The following STAC variants were observed in gnomAD, a reference collection of about 807,000 sequenced individuals.
STAC encodes SH3 and cysteine-rich domain-containing protein.
STAC carries 43 observed loss-of-function variants against 48.8 expected under a neutral mutation model. That is an observed-to-expected ratio of 0.88 (90% CI 0.69 to 1.14). The LOEUF is 1.14. STAC is among the 50% of genes most tolerant of loss of function. The probability of loss-of-function intolerance (pLI) is 0.00; values close to 1 mark genes in which losing one functional copy is unlikely to be tolerated. For missense variants in STAC, 497 were observed against 504.0 expected (o/e 0.99, Z 0.13); for synonymous variants, 193 against 179.5 (o/e 1.07, Z -0.60).
At chr3:36,537,126 A>G (rs1699216865) in intron 10 of STAC, among the ~76,000 whole-genome samples, 1 of 152,166 alleles carries the variant, frequency 6.6e-6, no homozygotes, top group African/African-American at 2.4e-5. Flanking sequence ...ATTGTGGAAG[A>G]TAGTGTGGCA....
Position 36,455,993 on chromosome 3 carries a change from C to T in STAC, c.388+12353C>T, listed in dbSNP as rs558422668. 2.0e-4 allele frequency among the ~76,000 whole-genome samples: 31 copies of T among 152,148 alleles called. No individual in the cohort carries two copies. In the South Asian group the frequency reaches 6.2e-3, roughly 31 times the overall value. On this transcript the variant is annotated intron_variant, in intron 2 of 10. Coordinates refer to ENST00000273183, the MANE Select transcript of STAC (RefSeq NM_003149.3). ...AACCCTGCAGCCCCTGCCTCAACAA[C>T]ATTATAATAAATAAACATAGGAAGG...
intron 1 of STAC, among the ~76,000 whole-genome samples, chr3:36,422,147 C>T (rs2125645258): frequency 6.6e-6 from 1 of 152,060 alleles, no homozygotes; most frequent in African/African-American, 2.4e-5. Flanking sequence ...AAGAGTTTCC[C>T]AAGATCTACA....
intron 10 of STAC, among the ~76,000 whole-genome samples, chr3:36,533,050 G>A (rs556252335): frequency 1.3e-5 from 2 of 152,264 alleles, no homozygotes; most frequent in South Asian, 4.1e-4. Flanking sequence ...CATAAACACA[G>A]GTCTGCAAAC....
At chr3:36,413,681 G>A (rs1700248874) in intron 1 of STAC, among the ~76,000 whole-genome samples, 1 of 152,082 alleles carries the variant, frequency 6.6e-6, no homozygotes, top group Non-Finnish European at 1.5e-5. Flanking sequence ...TACATTTAAG[G>A]TTAATATTGT....
Position 36,486,218 on chromosome 3 carries a change from G to A in STAC, c.656G>A (p.Gly219Asp), listed in dbSNP as rs775958676. The change falls in exon 5 of 11, where the codon GGC (glycine) becomes GAC (aspartate). Residue 219 changes from glycine (G) to aspartate (D), a missense_variant. Gly to Asp is a moderately conservative substitution (Grantham distance 94). Coordinates refer to ENST00000273183, the MANE Select transcript of STAC (RefSeq NM_003149.3). ...CAGAGGACAAAGAAGGGCAGCTCCGGCAGTGGCTCTGACTCACCTCACAGA... is the reference window on the plus strand; with the variant it reads ...CAGAGGACAAAGAAGGGCAGCTCCGACAGTGGCTCTGACTCACCTCACAGA... Reference protein sequence around the residue: ...LAQRTKKGSSGSGSDSPHRTS... With the variant: ...LAQRTKKGSSDSGSDSPHRTS... The A allele has an allele frequency of 3.7e-6, 6 of 1,613,766 alleles. No individual in the cohort carries two copies. The African/African-American group carries it at 5.3e-5, about 14-fold the overall frequency.
chr3:36,380,912 C>T (rs967331854), intron 1 of STAC, among the ~76,000 whole-genome samples, 158 bp downstream of exon 1: 2 of 105,306 alleles, frequency 1.9e-5, no homozygotes, highest in African/African-American at 5.3e-5. Flanking sequence ...ACCCGCTGCT[C>T]ACGATGCTGG....
rs1212562129 is a variant in STAC, at chr3:36,398,541, GGT to G, written c.111+17788_111+17789del. On this transcript the variant is annotated intron_variant, in intron 1 of 10. Coordinates refer to ENST00000273183, the MANE Select transcript of STAC (RefSeq NM_003149.3). ...AAAGAGAGAGAAAGAAAGAAAGAGAGGTAAAGAGAAAGAGAGAGGGAAGGAAG... is the reference window on the plus strand; with the variant it reads ...AAAGAGAGAGAAAGAAAGAAAGAGAGAAAGAGAAAGAGAGAGGGAAGGAAG... Among the ~76,000 whole-genome samples the G allele has an allele frequency of 1.9e-3, 84 of 43,304 alleles. 9 individuals are homozygous for G. The highest frequency in any genetic ancestry group is 2.8e-3 in the Non-Finnish European group (63 of 22,680). 28.4% of individuals were successfully genotyped at this position (43,304 alleles called of 152,430 possible).
intron 1 of STAC, among the ~76,000 whole-genome samples, chr3:36,433,050 G>A (rs1700743008): frequency 6.6e-6 from 1 of 152,226 alleles, no homozygotes; most frequent in African/African-American, 2.4e-5. Flanking sequence ...CCCCAGGGCA[G>A]GAGGTAGGAA....
At chr3:36,467,322 T>C (rs1361318227) in intron 2 of STAC, among the ~76,000 whole-genome samples, 1 of 152,128 alleles carries the variant, frequency 6.6e-6, no homozygotes, top group Non-Finnish European at 1.5e-5. Context: ...TGTTACATTC[T>C]TCCCTGGTTT....
rs1329567689 is a variant in STAC at position 36,443,936 on chromosome 3, T to C, written c.388+296T>C. 2.0e-5 allele frequency among the ~76,000 whole-genome samples: 3 copies of C among 152,170 alleles called. No homozygotes were observed. The highest frequency in any genetic ancestry group is 4.4e-5 in the Non-Finnish European group (3 of 68,032). On this transcript the variant is annotated intron_variant, in intron 2 of 10. Coordinates refer to ENST00000273183, the MANE Select transcript of STAC (RefSeq NM_003149.3). The surrounding 1 kb of genome is among the most constrained non-coding windows in gnomAD (Gnocchi z 4.2). ...CATTGAGGCTCGAGGTCTGGGTCTT[T>C]GAACACCTGCATCAGCCTGTCACTG...
At chr3:36,530,312 A>G (rs1029353458) in intron 10 of STAC, among the ~76,000 whole-genome samples, 1 of 152,194 alleles carries the variant, frequency 6.6e-6, no homozygotes, top group Non-Finnish European at 1.5e-5. Context: ...GAAGTTCACA[A>G]TGAAAAAGGC....
chr3:36,417,641 A>G (rs1190589344), intron 1 of STAC, among the ~76,000 whole-genome samples: 1 of 152,210 alleles, frequency 6.6e-6, no homozygotes, highest in Non-Finnish European at 1.5e-5. Context: ...TAGAAAGGAA[A>G]TTGGTTTGTA....
intron 8 of STAC, among the ~76,000 whole-genome samples, chr3:36,524,142 C>G (rs927223212): frequency 6.6e-5 from 10 of 152,032 alleles, no homozygotes; most frequent in African/African-American, 2.4e-4. Flanking sequence ...GTACCTGGCT[C>G]TAGAATGGGA....
At chr3:36,424,096 C>A (rs569281740) in intron 1 of STAC, among the ~76,000 whole-genome samples, 2 of 152,242 alleles carry the variant, frequency 1.3e-5, no homozygotes, top group South Asian at 4.2e-4. Flanking sequence ...GGATGACAGG[C>A]AGCATGTAGC....
At chr3:36,495,962 AC>A (rs1446336519) in intron 6 of STAC, among the ~76,000 whole-genome samples, 1 of 152,200 alleles carries the variant, frequency 6.6e-6, no homozygotes, top group East Asian at 1.9e-4. Flanking sequence ...AAGAAGTAGG[AC>A]TAGAGGTCAC....
At chr3:36,440,189 C>T (rs932620537) in intron 1 of STAC, among the ~76,000 whole-genome samples, 1 of 152,190 alleles carries the variant, frequency 6.6e-6, no homozygotes, top group Non-Finnish European at 1.5e-5. Context: ...CACAACCACA[C>T]CTGACTTCAG....
intron 1 of STAC, among the ~76,000 whole-genome samples, chr3:36,406,362 C>G (rs1700088423): frequency 6.6e-6 from 1 of 152,208 alleles, no homozygotes; most frequent in African/African-American, 2.4e-5. Flanking sequence ...ATGAGGAGCT[C>G]TGAAGCTGGA....
rs1697506838 is a variant in STAC at position 36,476,827 on chromosome 3, G to T, written c.389-6165G>T. ...CATTGCTTTTGCTCTCCTCTCTCCA[G>T]CTTTAAGACCCTTCTGTGACATGAT... On this transcript the variant is annotated intron_variant, in intron 2 of 10. Transcript: ENST00000273183. 2.6e-5 allele frequency among the ~76,000 whole-genome samples: 4 copies of T among 152,088 alleles called. No individual in the cohort carries two copies. The South Asian group carries it at 8.3e-4, about 32-fold the overall frequency.
intron 1 of STAC, among the ~76,000 whole-genome samples, chr3:36,440,723 A>T (rs1696321828): frequency 6.6e-6 from 1 of 152,172 alleles, no homozygotes; most frequent in Admixed American, 6.5e-5. Flanking sequence ...AAGGGGAGAG[A>T]ACTGCAGTCT....
Sources: gnomAD v4.1 joint callset for allele counts (sites outside exome capture counted in the v4.1 genomes callset) on GRCh38, gnomAD v4.1.1 for gene constraint, Gnocchi (gnomAD v3.1) non-coding constraint, MANE v1.5 for transcripts, NCBI Gene and HGNC (gene_info 2026-07-23, HGNC 2026-07-21) for gene names.